Variants in MBNL1 observed in about 807,000 individuals in gnomAD.
MBNL1 encodes the protein muscleblind like splicing regulator 1.
In MBNL1, 8 loss-of-function variants were observed where a neutral mutation model predicts 42.2. The observed-to-expected ratio is 0.19, with a 90% CI of 0.11 to 0.34. The LOEUF (loss-of-function observed/expected upper bound fraction) is 0.34. Among genes scored for constraint, MBNL1 ranks in the 10% least tolerant of loss-of-function variants. The pLI is 1.00. For missense variants in MBNL1, 309 were observed against 495.3 expected (o/e 0.62, Z 3.57); for synonymous variants, 169 against 173.9 (o/e 0.97, Z 0.22).
intron 2 of MBNL1, among the ~76,000 whole-genome samples, chr3:152,327,975 A>AT (rs1471209952): frequency 1.3e-5 from 2 of 151,980 alleles, no homozygotes; most frequent in Non-Finnish European, 2.9e-5. Context: ...TTATTAATTT[A>AT]TTTTTTTGAA....
rs184346726 is a variant in MBNL1, at chr3:152,349,326, T to C, written c.174+48959T>C. Among the ~76,000 whole-genome samples the C allele has an allele frequency of 3.7e-4, 56 of 152,258 alleles. 1 individual carries two copies. Among genetic ancestry groups the C allele is most frequent in the Non-Finnish European group, 6.6e-4 (45 of 67,996 alleles). Reference sequence around the variant, plus strand: ...AAGTTACCTACAATGTCTTGTTTCATAGTTTGAGAAAGTACATAAACAATA... The same window carrying C: ...AAGTTACCTACAATGTCTTGTTTCACAGTTTGAGAAAGTACATAAACAATA... On this transcript the variant is annotated intron_variant, in intron 2 of 9. Transcript: ENST00000324210.
intron 2 of MBNL1, among the ~76,000 whole-genome samples, chr3:152,358,491 C>T (rs1459803613): frequency 6.6e-6 from 1 of 152,076 alleles, no homozygotes; most frequent in Non-Finnish European, 1.5e-5. Context: ...ATATGTATTT[C>T]ATTTACTGTT....
At chr3:152,300,416 G>T in intron 2 of MBNL1, 49 bp downstream of exon 2, 2 of 1,456,154 alleles carry the variant, frequency 1.4e-6, no homozygotes, top group Non-Finnish European at 1.9e-6. Flanking sequence ...TTGAATGAGG[G>T]GTATATGGAC....
intron 2 of MBNL1, among the ~76,000 whole-genome samples, chr3:152,413,251 T>G (rs2098631224): frequency 1.3e-5 from 2 of 152,206 alleles, no homozygotes; most frequent in Admixed American, 1.3e-4. Context: ...TAGCCATAAC[T>G]AAAAGATGTT....
In MBNL1 at chr3:152,269,198, G is replaced by A. The variant is rs988383145; in HGVS notation, c.-790+106G>A. 2.8e-5 allele frequency: 11 copies of A among 388,992 alleles called. No homozygotes were observed. The Admixed American group carries it at 3.1e-4, about 11-fold the overall frequency. 24.1% of individuals were successfully genotyped at this position (388,992 alleles called of 1,614,324 possible). On this transcript the variant is annotated intron_variant, in intron 1 of 9. Coordinates refer to ENST00000324210, the MANE Select transcript of MBNL1 (RefSeq NM_021038.5). ...GTGCGAGGAGGTGCTCGCCGGCCGC[G>A]GTTCTCCCGGGCAGGGGCGGGCCGC...
chr3:152,318,202 T>C (rs1298323461), intron 2 of MBNL1, among the ~76,000 whole-genome samples: 1 of 152,204 alleles, frequency 6.6e-6, no homozygotes, highest in Non-Finnish European at 1.5e-5. Context: ...TGAAAAATAT[T>C]TTTCTTAGTG....
At chr3:152,342,312 C>T (rs2093419810) in intron 2 of MBNL1, among the ~76,000 whole-genome samples, 1 of 152,130 alleles carries the variant, frequency 6.6e-6, no homozygotes, top group Admixed American at 6.6e-5. Context: ...TTTGACCTAT[C>T]CTCTCTCAGC....
intron 2 of MBNL1, among the ~76,000 whole-genome samples, chr3:152,397,744 A>C (rs571618340): frequency 6.6e-6 from 1 of 152,142 alleles, no homozygotes; most frequent in Non-Finnish European, 1.5e-5. Context: ...ATATTTTCCT[A>C]CTGTGTGTCA....
intron 2 of MBNL1, among the ~76,000 whole-genome samples, chr3:152,387,616 T>C (rs1371149603): frequency 6.6e-6 from 1 of 152,144 alleles, no homozygotes; most frequent in Non-Finnish European, 1.5e-5. Context: ...CTTAAAACTG[T>C]CCTTACTGTG....
intron 2 of MBNL1, among the ~76,000 whole-genome samples, chr3:152,350,719 C>T (rs2094869289): frequency 6.6e-6 from 1 of 152,064 alleles, no homozygotes; most frequent in South Asian, 2.1e-4. Context: ...GGTGCTTAGC[C>T]AGATTCCATT....
intron 2 of MBNL1, among the ~76,000 whole-genome samples, chr3:152,378,278 G>A (rs909524075): frequency 1.3e-5 from 2 of 152,228 alleles, no homozygotes; most frequent in Admixed American, 6.5e-5. Context: ...AGGCTGAAAT[G>A]AGGCACAATT....
At chr3:152,448,944 A>G (rs545737254) in intron 6 of MBNL1, among the ~76,000 whole-genome samples, 1 of 152,366 alleles carries the variant, frequency 6.6e-6, no homozygotes, top group South Asian at 2.1e-4. Context: ...GTGAAATAGT[A>G]TCTTTCAAAT....
intron 2 of MBNL1, among the ~76,000 whole-genome samples, chr3:152,332,068 C>T (rs2085035294): frequency 6.6e-6 from 1 of 152,100 alleles, no homozygotes; most frequent in Admixed American, 6.6e-5. Flanking sequence ...CCATTGACAT[C>T]AGTGAGAAAT....
intron 2 of MBNL1, among the ~76,000 whole-genome samples, chr3:152,346,440 A>AT (rs1339173266): frequency 6.6e-6 from 1 of 151,932 alleles, no homozygotes; most frequent in South Asian, 2.1e-4. Flanking sequence ...TTCCTTCTTG[A>AT]TTTTTTCATA....
chr3:152,415,254 A>G (rs1579951550), intron 3 of MBNL1, 143 bp downstream of exon 3: 1 of 730,030 alleles, frequency 1.4e-6, no homozygotes, highest in Non-Finnish European at 2.1e-6. Context: ...ATTAAGTATC[A>G]GTCAAATGCT....
upstream of MBNL1, chr3:152,266,177 T>G (rs1240723630): frequency 6.6e-6 from 1 of 152,236 alleles, no homozygotes; most frequent in African/African-American, 2.4e-5. Flanking sequence ...AGATTGACCA[T>G]TGCTTTGTGA....
chr3:152,392,599 A>G (rs889589037), intron 2 of MBNL1, among the ~76,000 whole-genome samples: 1 of 152,242 alleles, frequency 6.6e-6, no homozygotes, highest in Non-Finnish European at 1.5e-5. Flanking sequence ...TTTGAATAAT[A>G]CATGTCTGTT....
chr3:152,270,111 G>A (rs753631828), intron 1 of MBNL1, among the ~76,000 whole-genome samples: 1 of 152,048 alleles, frequency 6.6e-6, no homozygotes, highest in African/African-American at 2.4e-5. Context: ...TCTGGGGCCG[G>A]GAGAGTATGC....
chr3:152,344,005 C>T (rs956902583), intron 2 of MBNL1, among the ~76,000 whole-genome samples: 2 of 151,760 alleles, frequency 1.3e-5, no homozygotes, highest in East Asian at 1.9e-4. Flanking sequence ...TATGTATGAA[C>T]GTTAAGAACT....
Sources: allele counts gnomAD v4.1 joint callset (sites outside exome capture counted in the v4.1 genomes callset), GRCh38; gene constraint gnomAD v4.1.1; transcripts MANE v1.5; gene names NCBI Gene and HGNC (gene_info 2026-07-23, HGNC 2026-07-21).